Variants in SOX5 observed in about 807,000 individuals in gnomAD.
The protein encoded by SOX5 is SRY-box transcription factor 5.
In SOX5, 9 loss-of-function variants were observed where a neutral mutation model predicts 92.0. The ratio of observed to expected loss-of-function variants is 0.10; its 90% CI spans 0.06 to 0.17. The LOEUF (loss-of-function observed/expected upper bound fraction) is 0.17, where lower values mean the gene tolerates loss of function less well. SOX5 is among the 10% of genes least tolerant of loss of function. SOX5 has a pLI of 1.00. For synonymous variants in SOX5, 344 were observed against 336.3 expected, an observed-to-expected ratio of 1.02 and a Z score of -0.25; for missense variants, 642 against 944.5, an observed-to-expected ratio of 0.68 and a Z score of 4.20.
chr12:23,951,057 G>A, upstream of SOX5: 1 of 549,008 alleles, frequency 1.8e-6, no homozygotes, highest in Admixed American at 2.7e-5. Flanking sequence ...TGCACAAAAG[G>A]CTACATTACA....
At chr12:23,579,921 G>A (rs530345232) in intron 9 of SOX5, among the ~76,000 whole-genome samples, 2 of 152,120 alleles carry the variant, frequency 1.3e-5, no homozygotes, top group South Asian at 4.1e-4. Flanking sequence ...TGTTAAATGA[G>A]GTTGCCAATT....
Position 23,970,841 on chromosome 12 carries a change from A to ATATATATATATATATATATATATTTTTT in SOX5, c.-1-74818_-1-74817insAAAAAATATATATATATATATATATATA. On this transcript the variant is annotated intron_variant, in intron 4 of 4. Transcript: ENST00000446891. ...ACATGGGACTTTATATATATATATAATTTTTTTTTTTTTTTAAGAAATGGG... is the reference window on the plus strand; with the variant it reads ...ACATGGGACTTTATATATATATATAATATATATATATATATATATATATTTTTTTTTTTTTTTTTTTTTAAGAAATGGG... Among the ~76,000 whole-genome samples, 95 of 21,846 alleles carry ATATATATATATATATATATATATTTTTT rather than the reference A, an allele frequency of 4.3e-3. 12 individuals carry two copies. The highest frequency in any genetic ancestry group is 7.2e-3 in the Non-Finnish European group (70 of 9,686). The allele number at this position is 21,846 out of a possible 152,430, so 14.3% of individuals were successfully genotyped here.
At chr12:24,165,307 A>C (rs1953271103) in intron 4 of SOX5, among the ~76,000 whole-genome samples, 1 of 152,104 alleles carries the variant, frequency 6.6e-6, no homozygotes, top group Admixed American at 6.6e-5. Context: ...AAATAAACAC[A>C]CACAGTTCCT....
chr12:24,168,772 C>G (rs957738857), intron 4 of SOX5, among the ~76,000 whole-genome samples: 1 of 152,086 alleles, frequency 6.6e-6, no homozygotes, highest in South Asian at 2.1e-4. Flanking sequence ...CAAACGCCCA[C>G]GGTGGGAGGA....
chr12:23,736,327 T>C (rs1048126806), intron 5 of SOX5, among the ~76,000 whole-genome samples: 2 of 151,992 alleles, frequency 1.3e-5, no homozygotes, highest in African/African-American at 2.4e-5. Context: ...CCAGGCGTGG[T>C]GGCGGGCGCC....
chr12:23,605,469 T>A (rs2075127833), intron 8 of SOX5, among the ~76,000 whole-genome samples: 1 of 148,138 alleles, frequency 6.8e-6, no homozygotes, highest in Non-Finnish European at 1.5e-5. Flanking sequence ...TATTTAATTA[T>A]ATATTTAATA....
chr12:24,251,278 CTAAT>C (rs1179115150), intron 3 of SOX5, among the ~76,000 whole-genome samples: 1 of 152,106 alleles, frequency 6.6e-6, no homozygotes, highest in Admixed American at 6.6e-5. Flanking sequence ...TAGGGTTTGT[CTAAT>C]TAACTGCCAA....
intron 1 of SOX5, among the ~76,000 whole-genome samples, chr12:23,902,719 GT>G (rs2097249662): frequency 6.6e-6 from 1 of 152,024 alleles, no homozygotes; most frequent in South Asian, 2.1e-4. Context: ...GTACAGTTCT[GT>G]TTTTGACCAT....
chr12:23,860,149 G>C (rs906439220), intron 2 of SOX5, among the ~76,000 whole-genome samples: 1 of 152,068 alleles, frequency 6.6e-6, no homozygotes, highest in Non-Finnish European at 1.5e-5. Flanking sequence ...CTTCTTGGGG[G>C]GAAACGGTGG....
chr12:24,354,214 T>C (rs1008994978), intron 2 of SOX5, among the ~76,000 whole-genome samples: 1 of 152,188 alleles, frequency 6.6e-6, no homozygotes, highest in African/African-American at 2.4e-5. Flanking sequence ...GAATGTCAAT[T>C]CACCTGATCT....
chr12:23,922,241 AAAAGAAAG>A (rs891725371), intron 1 of SOX5, among the ~76,000 whole-genome samples: 2 of 152,092 alleles, frequency 1.3e-5, no homozygotes, highest in African/African-American at 4.8e-5. Context: ...AGTCTTGATA[AAAAGAAAG>A]AAAGAAAGAA....
chr12:24,104,552 C>T (rs908747917), intron 4 of SOX5, among the ~76,000 whole-genome samples: 1 of 152,090 alleles, frequency 6.6e-6, no homozygotes, highest in African/African-American at 2.4e-5. Flanking sequence ...ATAGAGAATG[C>T]TTGGTGACAT....
chr12:24,124,828 G>A (rs1948956502), intron 4 of SOX5, among the ~76,000 whole-genome samples: 1 of 152,134 alleles, frequency 6.6e-6, no homozygotes, highest in Non-Finnish European at 1.5e-5. Flanking sequence ...TATAAGAAAT[G>A]AAGAATAACC....
At chr12:24,226,276 G>C (rs947697073) in intron 3 of SOX5, among the ~76,000 whole-genome samples, 1 of 151,698 alleles carries the variant, frequency 6.6e-6, no homozygotes, top group Admixed American at 6.6e-5. Context: ...TTATTTTCTT[G>C]ATTAAGGCTT....
At chr12:24,541,920 C>T (rs539844574) in intron 1 of SOX5, among the ~76,000 whole-genome samples, 3 of 152,250 alleles carry the variant, frequency 2.0e-5, no homozygotes, top group African/African-American at 7.2e-5. Flanking sequence ...TAGCAGGCCA[C>T]GAAAAACAGT....
chr12:23,558,471 T>C (rs2136273645), intron 11 of SOX5, among the ~76,000 whole-genome samples: 1 of 151,118 alleles, frequency 6.6e-6, no homozygotes, highest in South Asian at 2.1e-4. Flanking sequence ...TAGCTGTAGG[T>C]GCAGCAACCA....
intron 4 of SOX5, among the ~76,000 whole-genome samples, chr12:24,213,182 C>A (rs1376897061): frequency 6.6e-6 from 1 of 151,550 alleles, no homozygotes; most frequent in Non-Finnish European, 1.5e-5. Flanking sequence ...AAGGAAGATG[C>A]CCAAATGCTC....
intron 5 of SOX5, among the ~76,000 whole-genome samples, chr12:23,738,689 A>C (rs2093690124): frequency 1.3e-5 from 2 of 152,206 alleles, no homozygotes; most frequent in Admixed American, 1.3e-4. Context: ...TAGATCTTTC[A>C]GGACATGTGT....
intron 2 of SOX5, among the ~76,000 whole-genome samples, chr12:24,288,794 C>T (rs1316580089): frequency 2.0e-5 from 3 of 151,708 alleles, no homozygotes; most frequent in Non-Finnish European, 2.9e-5. Context: ...TGCGGCCCCT[C>T]CCCACCACCT....
Sources: allele counts gnomAD v4.1 joint callset (sites outside exome capture counted in the v4.1 genomes callset), GRCh38; gene constraint gnomAD v4.1.1; transcripts MANE v1.5; gene names NCBI Gene and HGNC (gene_info 2026-07-23, HGNC 2026-07-21).